The following CPT1A variants were observed in gnomAD, a reference collection of about 807,000 sequenced individuals.
The protein encoded by CPT1A is carnitine palmitoyltransferase 1A.
A neutral mutation model predicts 100.8 loss-of-function variants in CPT1A; 64 were observed. The observed-to-expected ratio is 0.63, with a 90% confidence interval of 0.52 to 0.78. The LOEUF (loss-of-function observed/expected upper bound fraction) is 0.78, where lower values mean the gene tolerates loss of function less well. CPT1A is among the 30% of genes least tolerant of loss of function. The pLI, the probability that CPT1A is intolerant of heterozygous loss-of-function variation, is 0.00. For synonymous variants in CPT1A, 363 were observed against 396.0 expected (o/e 0.92, Z 0.99); for missense variants, 802 against 1,034.1 (o/e 0.78, Z 3.08).
At chr11:68,803,126 T>C (rs1281983916) in intron 5 of CPT1A, among the ~76,000 whole-genome samples, 1 of 152,062 alleles carries the variant, frequency 6.6e-6, no homozygotes, top group Admixed American at 6.6e-5. Flanking sequence ...CAGCAACAGA[T>C]GAACGGATAA....
intron 13 of CPT1A, 98 bp downstream of exon 13, chr11:68,775,218 T>C: frequency 9.7e-7 from 1 of 1,027,104 alleles, no homozygotes; most frequent in Non-Finnish European, 1.5e-6. Flanking sequence ...ACTGAGCTCA[T>C]GATAGGGCAG....
At chr11:68,759,780 C>T (rs1946767209) in intron 17 of CPT1A, 119 bp from the exon 18 acceptor site, 2 of 789,398 alleles carry the variant, frequency 2.5e-6, no homozygotes, top group Non-Finnish European at 4.4e-6. Context: ...GTAATCCCAG[C>T]ATTTTGGGAG....
At chr11:68,777,056 G>T (rs1855161741) in intron 12 of CPT1A, among the ~76,000 whole-genome samples, 1 of 152,232 alleles carries the variant, frequency 6.6e-6, no homozygotes, top group South Asian at 2.1e-4. Flanking sequence ...ACCTGAGCCA[G>T]CGAACGAACA....
Position 68,793,495 on chromosome 11 carries a change from C to T in CPT1A, c.880-93G>A, listed in dbSNP as rs538972039. 129 of 972,990 alleles carry T rather than the reference C, an allele frequency of 1.3e-4. No individual in the cohort carries two copies. In the African/African-American group the frequency reaches 2.0e-3, roughly 15 times the overall value. The allele number at this position is 972,990 out of a possible 1,614,324, so 60.3% of individuals were successfully genotyped here. On this transcript the variant is annotated intron_variant, in intron 8 of 18. Coordinates refer to ENST00000265641, the MANE Select transcript of CPT1A (RefSeq NM_001876.4). ...GTGCGGTGGCTCACGCCTGTAATCC[C>T]AACACTTTGGGAGGCTGAGGCGGGC... is the stretch of plus-strand genomic sequence containing the variant.
intron 4 of CPT1A, among the ~76,000 whole-genome samples, chr11:68,804,654 C>A (rs980599582): frequency 6.6e-6 from 1 of 152,196 alleles, no homozygotes; most frequent in Non-Finnish European, 1.5e-5. Flanking sequence ...TGACAGAGGC[C>A]GTGAGATGTC....
At chr11:68,793,446 G>A in intron 8 of CPT1A, 44 bp from the exon 9 acceptor site, 1 of 1,519,532 alleles carries the variant, frequency 6.6e-7, no homozygotes, top group Non-Finnish European at 9.0e-7. Flanking sequence ...AAATCCCACA[G>A]AAGAAAAGCA....
intron 1 of CPT1A, among the ~76,000 whole-genome samples, chr11:68,817,710 G>A (rs1187650060): frequency 6.7e-6 from 1 of 148,994 alleles, no homozygotes; most frequent in Non-Finnish European, 1.5e-5. Context: ...CAGGTGGCTG[G>A]GGTCAAGGGC....
rs142301574 is a variant in CPT1A at position 68,799,007 on chromosome 11, C to T, written c.693+211G>A. The stretch of plus-strand genomic sequence containing the variant: ...TGAGACTCTGTCTCTACAAAAAAAT[C>T]CAAAAACCAAGAAACTGTCACTGTA... On this transcript the variant is annotated intron_variant, in intron 6 of 18. Transcript: ENST00000265641. Among the ~76,000 whole-genome samples, 510 of 152,136 alleles carry T rather than the reference C, an allele frequency of 3.4e-3. 2 individuals carry two copies. The highest frequency in any genetic ancestry group is 9.7e-3 in the African/African-American group (402 of 41,522).
At chr11:68,775,499 G>A in intron 12 of CPT1A, 67 bp from the exon 13 acceptor site, 1 of 1,221,566 alleles carries the variant, frequency 8.2e-7, no homozygotes, top group Non-Finnish European at 1.2e-6. Flanking sequence ...CCTCCAACAT[G>A]AAGAGAGGGT....
intron 1 of CPT1A, among the ~76,000 whole-genome samples, chr11:68,840,321 TAGA>T (rs1157281759): frequency 3.4e-4 from 52 of 152,142 alleles, no homozygotes; most frequent in Non-Finnish European, 7.4e-5. Flanking sequence ...CTGGCATAAA[TAGA>T]AGACCAGTGC....
chr11:68,796,457 G>A (rs1594346999), intron 7 of CPT1A, among the ~76,000 whole-genome samples: 2 of 152,314 alleles, frequency 1.3e-5, no homozygotes, highest in African/African-American at 2.4e-5. Flanking sequence ...TTTGGAGGCT[G>A]AGGCAGGAGA....
In CPT1A at chr11:68,757,744, A is replaced by G. The variant is rs781040808; in HGVS notation, c.2236-14T>C. On this transcript the variant is annotated splice_polypyrimidine_tract_variant and intron_variant, in intron 18 of 18. Transcript: ENST00000265641. ...GCGATGAGAATCCTTTCATGTAAAAACAAAAACCAAAAACCTATTAAAACG... is the reference window on the plus strand; with the variant it reads ...GCGATGAGAATCCTTTCATGTAAAAGCAAAAACCAAAAACCTATTAAAACG... 3.1e-6 allele frequency: 5 copies of G among 1,612,802 alleles called. No homozygotes were observed. The East Asian group carries it at 1.1e-4, about 36-fold the overall frequency.
chr11:68,809,302 C>A (rs1189513636), intron 3 of CPT1A, among the ~76,000 whole-genome samples: 1 of 152,106 alleles, frequency 6.6e-6, no homozygotes, highest in Non-Finnish European at 1.5e-5. Flanking sequence ...TATATACTTA[C>A]TTGATTTGCA....
chr11:68,829,636 C>T (rs10896371), intron 1 of CPT1A, among the ~76,000 whole-genome samples: 111,360 of 152,134 alleles, frequency 0.73, 43,453 homozygotes, highest in Non-Finnish European at 0.87. Context: ...TCACTCGTTC[C>T]CACAAATCAT....
intron 1 of CPT1A, among the ~76,000 whole-genome samples, chr11:68,836,038 G>A (rs1447376780): frequency 6.6e-6 from 1 of 152,118 alleles, no homozygotes; most frequent in Non-Finnish European, 1.5e-5. Context: ...CCTACCTGTT[G>A]CACCCCCACC....
rs1184371846 is a variant in CPT1A at position 68,755,911 on chromosome 11, C to T, written c.*1733G>A. The T allele has an allele frequency of 2.7e-5, 4 of 150,434 alleles. No homozygotes were observed. Among genetic ancestry groups the T allele is most frequent in the East Asian group, 2.0e-4 (1 of 4,998 alleles). 9.3% of individuals were successfully genotyped at this position (150,434 alleles called of 1,614,324 possible). A position where few individuals can be genotyped will look rare whatever the true frequency, so the allele number is the denominator to read the frequency against. ...GGTGGATCACCTGAGGTCAGGAGTT[C>T]GAGACCAGCCTGACCAATATGATGA... On this transcript the variant is annotated 3_prime_UTR_variant, in exon 19 of 19. Transcript: ENST00000265641.
intron 9 of CPT1A, chr11:68,786,086 G>A (rs1370474555): frequency 2.8e-6 from 2 of 701,930 alleles, no homozygotes; most frequent in Non-Finnish European, 5.2e-6. Flanking sequence ...CAAGCTACCA[G>A]GAGCAGTGGC....
At chr11:68,819,733 T>C (rs1391143264) in intron 1 of CPT1A, among the ~76,000 whole-genome samples, 2 of 152,228 alleles carry the variant, frequency 1.3e-5, no homozygotes, top group Non-Finnish European at 2.9e-5. Context: ...GACTTGTTTA[T>C]TTGGACTGGT....
chr11:68,822,042 G>T (rs977401504), intron 1 of CPT1A, among the ~76,000 whole-genome samples: 1 of 152,096 alleles, frequency 6.6e-6, no homozygotes, highest in African/African-American at 2.4e-5. Context: ...AAATGGTGCA[G>T]CCACGTTGGC....
Sources: allele counts gnomAD v4.1 joint callset (sites outside exome capture counted in the v4.1 genomes callset), GRCh38; gene constraint gnomAD v4.1.1; transcripts MANE v1.5; gene names NCBI Gene and HGNC (gene_info 2026-07-23, HGNC 2026-07-21).